Variants in PCDHGA10 observed in about 807,000 individuals in gnomAD.
PCDHGA10 encodes protocadherin gamma subfamily A, 10.
Under a neutral mutation model 59.5 loss-of-function variants are expected in PCDHGA10, and 42 were observed. The ratio of observed to expected loss-of-function variants is 0.71; its 90% CI spans 0.55 to 0.91. The LOEUF (loss-of-function observed/expected upper bound fraction) is 0.91, where lower values mean the gene tolerates loss of function less well. PCDHGA10 is among the 40% of genes least tolerant of loss of function. The probability of loss-of-function intolerance (pLI) is 0.00; values close to 1 mark genes in which losing one functional copy is unlikely to be tolerated. For synonymous variants in PCDHGA10, 511 were observed against 517.2 expected, an observed-to-expected ratio of 0.99 and a Z score of 0.16; for missense variants, 1,111 against 1,198.2, an observed-to-expected ratio of 0.93 and a Z score of 1.07.
rs2099183566 is a variant in PCDHGA10, at chr5:141,468,861, A to G, written c.2437-25946A>G. 3.9e-5 allele frequency among the ~76,000 whole-genome samples: 6 copies of G among 152,168 alleles called. No homozygotes were observed. In the South Asian group the frequency reaches 1.2e-3, roughly 32 times the overall value. On this transcript the variant is annotated intron_variant, in intron 1 of 3. Coordinates refer to ENST00000398610, the MANE Select transcript of PCDHGA10 (RefSeq NM_018913.3). ...AGCCTGGGCAACAGAGCGAGACTCCATCTCAAAAATAATAATAATAATAAT... is the reference window on the plus strand; with the variant it reads ...AGCCTGGGCAACAGAGCGAGACTCCGTCTCAAAAATAATAATAATAATAAT...
intron 1 of PCDHGA10, among the ~76,000 whole-genome samples, chr5:141,471,855 G>A (rs955016680): frequency 3.3e-5 from 5 of 152,108 alleles, no homozygotes; most frequent in Non-Finnish European, 7.4e-5. Context: ...TTCAGAAAAA[G>A]CAAAACTGTG....
At chr5:141,427,984 C>A (rs754620535) in intron 1 of PCDHGA10, 6 of 1,597,376 alleles carry the variant, frequency 3.8e-6, no homozygotes, top group Non-Finnish European at 4.3e-6. Flanking sequence ...GCGCTGGGGC[C>A]CGATGGCTCC....
chr5:141,435,733 T>C (rs950139563), intron 1 of PCDHGA10, among the ~76,000 whole-genome samples: 12 of 152,208 alleles, frequency 7.9e-5, no homozygotes, highest in African/African-American at 2.7e-4. Context: ...AGTGTATTAC[T>C]CTTTGAAAAG....
chr5:141,503,630 A>G, intron 2 of PCDHGA10, among the ~76,000 whole-genome samples: 1 of 152,088 alleles, frequency 6.6e-6, no homozygotes, highest in Admixed American at 6.6e-5. Flanking sequence ...AAGAAAAGAA[A>G]TAATTATTGA....
chr5:141,490,215 G>C lies in PCDHGA10; in HGVS notation c.2437-4592G>C. 6.2e-7 allele frequency: 1 copy of C among 1,614,254 alleles called. No individual in the cohort carries two copies. Among genetic ancestry groups the C allele is most frequent in the African/African-American group, 1.3e-5 (1 of 75,078 alleles). On this transcript the variant is annotated intron_variant, in intron 1 of 3. Coordinates refer to ENST00000398610, the MANE Select transcript of PCDHGA10 (RefSeq NM_018913.3). The surrounding 1 kb of genome is among the most constrained non-coding windows in gnomAD (Gnocchi z 5.4). ...AAATTCATGCAAGAGCCCGTGACCA[G>C]GGACAGCCTGCCATGGAGGGCCACT... is the stretch of plus-strand genomic sequence containing the variant.
At chr5:141,417,993 C>A in intron 1 of PCDHGA10, 1 of 1,613,830 alleles carries the variant, frequency 6.2e-7, no homozygotes, top group Non-Finnish European at 8.5e-7. Flanking sequence ...GCCAAGGGCT[C>A]GGTGGTGGGG....
intron 1 of PCDHGA10, among the ~76,000 whole-genome samples, chr5:141,454,628 A>C (rs1008375225): frequency 1.3e-4 from 19 of 151,334 alleles, no homozygotes; most frequent in African/African-American, 4.4e-4. Context: ...CTGGTCTCGA[A>C]CCCCCAACCT....
chr5:141,422,836 G>A, intron 1 of PCDHGA10: 1 of 1,614,250 alleles, frequency 6.2e-7, no homozygotes, highest in Middle Eastern at 1.6e-4. Flanking sequence ...GATAGCACGT[G>A]ACAGCGGGGA....
chr5:141,476,929 G>T lies in PCDHGA10; in HGVS notation c.2437-17878G>T, dbSNP rs1375082202. 6.2e-7 allele frequency: 1 copy of T among 1,614,136 alleles called. No homozygotes were observed. Among genetic ancestry groups the T allele is most frequent in the Admixed American group, 1.7e-5 (1 of 60,034 alleles). On this transcript the variant is annotated intron_variant, in intron 1 of 3. Transcript: ENST00000398610. This position sits in a 1 kb window ranked among gnomAD's most constrained non-coding sequence, Gnocchi z 7.6. ...TGGTACAAGTCCTTGCAACGGATCT[G>T]GATGAAGGCCCCAACGGTGAAATTA...
chr5:141,417,940 C>A, intron 1 of PCDHGA10: 2 of 1,613,054 alleles, frequency 1.2e-6, no homozygotes, highest in Non-Finnish European at 1.7e-6. Flanking sequence ...TGTTCTACCC[C>A]ACGCTGTGTG....
chr5:141,503,362 G>A (rs565902559), intron 2 of PCDHGA10, among the ~76,000 whole-genome samples: 32 of 152,054 alleles, frequency 2.1e-4, no homozygotes, highest in African/African-American at 6.5e-4. Context: ...TTTGGGAAGC[G>A]GAGGCAGGTG....
intron 1 of PCDHGA10, chr5:141,478,024 C>T: frequency 2.5e-6 from 4 of 1,614,188 alleles, no homozygotes; most frequent in Non-Finnish European, 3.4e-6. Context: ...CAGTCCAAGA[C>T]ACAGATTCAC....
At chr5:141,495,852 TCTCA>T (rs1473070626) in intron 2 of PCDHGA10, among the ~76,000 whole-genome samples, 1 of 152,174 alleles carries the variant, frequency 6.6e-6, no homozygotes, top group Non-Finnish European at 1.5e-5. Flanking sequence ...TTTCTCTGTC[TCTCA>T]CTATTTCTGC....
intron 1 of PCDHGA10, chr5:141,427,891 G>A (rs767506033): frequency 1.3e-6 from 2 of 1,566,658 alleles, no homozygotes; most frequent in South Asian, 2.2e-5. Context: ...CACGACCAGG[G>A]CTCGCCCGCG....
Position 141,414,763 on chromosome 5 carries a change from C to G in PCDHGA10, c.1588C>G (p.His530Asp). 1 of 1,614,258 alleles carries G rather than the reference C, an allele frequency of 6.2e-7. No individual in the cohort carries two copies. Among genetic ancestry groups the G allele is most frequent in the South Asian group, 1.1e-5 (1 of 91,088 alleles). ...CAGATCCTTCGACTATGAGCAGTTT[C>G]ATGAGCTACAGATGCAGGTGACAGC... Reference protein sequence around the residue: ...ALRSFDYEQFHELQMQVTASD... With the variant: ...ALRSFDYEQFDELQMQVTASD... The change falls in exon 1 of 4, where the codon CAT becomes GAT. Residue 530 changes from histidine (H) to aspartate (D), a missense_variant. Transcript: ENST00000398610.
chr5:141,413,863 G>A lies in PCDHGA10; in HGVS notation c.688G>A (p.Val230Ile), dbSNP rs1367797365. Residue 230 changes from valine (V) to isoleucine (I), a missense_variant, in exon 1 of 4, where the codon GTC becomes ATC. By Grantham distance (29) the Val-to-Ile change is conservative. Transcript: ENST00000398610. ...DGGDPLRSGT[V>I]LVSVTVFDAN... ...GGGTGACCCTCTCCGATCTGGCACT[G>A]TCCTTGTCAGTGTGACTGTCTTCGA... 1.9e-6 allele frequency: 3 copies of A among 1,613,356 alleles called. No homozygotes were observed. Among genetic ancestry groups the A allele is most frequent in the Admixed American group, 1.7e-5 (1 of 60,008 alleles).
rs754547223 is a variant in PCDHGA10 at position 141,511,148 on chromosome 5, AGTC to A, written c.2788_2790del (p.Ser930del). The A allele has an allele frequency of 7.4e-6, 12 of 1,614,202 alleles. No individual in the cohort carries two copies. The highest frequency in any genetic ancestry group is 1.0e-5 in the Non-Finnish European group (12 of 1,180,016). ...GCAGGTGGCAATGGCAACAAGAAGA[AGTC>A]GGGCAAGAAGGAGAAGAAGTAACAT... On this transcript the variant is annotated inframe_deletion, in exon 4 of 4. Coordinates refer to ENST00000398610, the MANE Select transcript of PCDHGA10 (RefSeq NM_018913.3).
chr5:141,470,871 T>C (rs1036871133), intron 1 of PCDHGA10, among the ~76,000 whole-genome samples: 1 of 151,822 alleles, frequency 6.6e-6, no homozygotes, highest in Admixed American at 6.6e-5. Flanking sequence ...TGTTTGTTTG[T>C]TTTTTTGTTT....
rs2154586601 is a variant in PCDHGA10, at chr5:141,491,555, A to G, written c.2437-3252A>G. The G allele has an allele frequency of 6.2e-7, 1 of 1,613,986 alleles. No homozygotes were observed. The highest frequency in any genetic ancestry group is 2.2e-5 in the East Asian group (1 of 44,862). ...CTGCGGCCCACAGACTCGCAGAGCC[A>G]CTGCTACAGGACGTGCTTTTCACCG... On this transcript the variant is annotated intron_variant, in intron 1 of 3. Transcript: ENST00000398610. This position sits in a 1 kb window ranked among gnomAD's most constrained non-coding sequence, Gnocchi z 6.9.
Sources: gnomAD v4.1 joint callset for allele counts (sites outside exome capture counted in the v4.1 genomes callset) on GRCh38, gnomAD v4.1.1 for gene constraint, Gnocchi (gnomAD v3.1) non-coding constraint, MANE v1.5 for transcripts, NCBI Gene and HGNC (gene_info 2026-07-23, HGNC 2026-07-21) for gene names.